Variants in RPAP2 observed in about 807,000 individuals in gnomAD.
RPAP2 encodes putative RNA polymerase II subunit B1 CTD phosphatase RPAP2.
Under a neutral mutation model 73.1 loss-of-function variants are expected in RPAP2, and 52 were observed. The ratio of observed to expected loss-of-function variants is 0.71; its 90% CI spans 0.57 to 0.90. The LOEUF is 0.90. Ranked by LOEUF, RPAP2 falls within the 40% of genes least tolerant of loss-of-function variation. The pLI is 0.00. For missense variants in RPAP2, 598 were observed against 701.8 expected, an observed-to-expected ratio of 0.85 and a Z score of 1.67; for synonymous variants, 225 against 242.1, an observed-to-expected ratio of 0.93 and a Z score of 0.65.
At chr1:92,333,303 T>A in intron 8 of RPAP2, 88 bp from the exon 9 acceptor site, 1 of 1,044,032 alleles carries the variant, frequency 9.6e-7, no homozygotes, top group African/African-American at 1.6e-5. Context: ...GATACAAACT[T>A]TTGTGTTTTA....
intron 10 of RPAP2, among the ~76,000 whole-genome samples, chr1:92,337,221 A>G (rs1012104714): frequency 1.1e-4 from 16 of 152,148 alleles, no homozygotes; most frequent in African/African-American, 3.4e-4. Context: ...ATTATAGTCT[A>G]TTGTTGTCAA....
chr1:92,299,163 C>T lies in RPAP2; in HGVS notation c.73+17C>T. On this transcript the variant is annotated intron_variant, in intron 1 of 12. Coordinates refer to ENST00000610020, the MANE Select transcript of RPAP2 (RefSeq NM_024813.3). ...AAGCCGCAGGTAGGAGCAAGGATCT[C>T]TTCCCACTTTTGGACCCTGAAAGCT... 2 of 1,471,392 alleles carry T rather than the reference C, an allele frequency of 1.4e-6. No homozygotes were observed. Among genetic ancestry groups the T allele is most frequent in the Non-Finnish European group, 1.8e-6 (2 of 1,097,776 alleles). 91.1% of individuals were successfully genotyped at this position (1,471,392 alleles called of 1,614,324 possible). A position where few individuals can be genotyped will look rare whatever the true frequency, so the allele number is the denominator to read the frequency against.
chr1:92,318,641 C>T (rs1037986767), intron 6 of RPAP2, among the ~76,000 whole-genome samples: 7 of 152,214 alleles, frequency 4.6e-5, no homozygotes, highest in African/African-American at 1.7e-4. Flanking sequence ...CATATGGGCT[C>T]TCATTTCTCT....
intron 6 of RPAP2, among the ~76,000 whole-genome samples, chr1:92,314,452 A>G (rs1651791967): frequency 6.6e-6 from 1 of 151,942 alleles, no homozygotes; most frequent in Admixed American, 6.6e-5. Flanking sequence ...CTCACAACTG[A>G]TAGACTCTTA....
Position 92,301,466 on chromosome 1 carries a change from CA to C in RPAP2, c.120-7del, listed in dbSNP as rs1476459693. On this transcript the variant is annotated splice_polypyrimidine_tract_variant and intron_variant, in intron 2 of 12. Coordinates refer to ENST00000610020, the MANE Select transcript of RPAP2 (RefSeq NM_024813.3). ...TTTTAAGTAGATTAAGTTTCTCTTT[CA>C]AATTTTAGGAAAGCTGAACTAGAAG... 1 of 1,491,430 alleles carries C rather than the reference CA, an allele frequency of 6.7e-7. No individual in the cohort carries two copies. Among genetic ancestry groups the C allele is most frequent in the African/African-American group, 1.4e-5 (1 of 71,192 alleles). The allele number at this position is 1,491,430 out of a possible 1,614,324, so 92.4% of individuals were successfully genotyped here. A position where few individuals can be genotyped will look rare whatever the true frequency, so the allele number is the denominator to read the frequency against.
chr1:92,380,278 CAA>C (rs66801616), intron 11 of RPAP2, among the ~76,000 whole-genome samples: 3 of 117,210 alleles, frequency 2.6e-5, no homozygotes, highest in African/African-American at 2.8e-5. Flanking sequence ...GACTCTGCCT[CAA>C]AAAAAAAAAA....
intron 11 of RPAP2, among the ~76,000 whole-genome samples, chr1:92,350,941 G>A (rs757401186): frequency 2.0e-5 from 3 of 150,932 alleles, no homozygotes; most frequent in Non-Finnish European, 3.0e-5. Context: ...CAAAATAAAA[G>A]ATAGTCTTCT....
chr1:92,299,506 G>T (rs1198763030), intron 1 of RPAP2, among the ~76,000 whole-genome samples: 2 of 152,106 alleles, frequency 1.3e-5, no homozygotes, highest in African/African-American at 4.8e-5. Flanking sequence ...CTCCTTTCCA[G>T]ATTGCTTGGG....
intron 11 of RPAP2, among the ~76,000 whole-genome samples, chr1:92,366,647 T>C (rs1226084468): frequency 6.6e-6 from 1 of 152,198 alleles, no homozygotes; most frequent in Non-Finnish European, 1.5e-5. Context: ...GAGAAAGAGT[T>C]AATATTAAAC....
At position 92,337,885 on chromosome 1, in the gene RPAP2, A is replaced by C. The variant is rs1258546833; in HGVS notation, c.1619+1458A>C. On this transcript the variant is annotated intron_variant, in intron 10 of 12. Coordinates refer to ENST00000610020, the MANE Select transcript of RPAP2 (RefSeq NM_024813.3). Reference sequence around the variant, plus strand: ...TACTAGTAGGTAATACATTTCTGCAAAGTTTGAGTTATTATAAAATCTAAT... The same window carrying C: ...TACTAGTAGGTAATACATTTCTGCACAGTTTGAGTTATTATAAAATCTAAT... Among the ~76,000 whole-genome samples, 3 of 152,186 alleles carry C rather than the reference A, an allele frequency of 2.0e-5. No individual in the cohort carries two copies. In the South Asian group the frequency reaches 6.2e-4, roughly 32 times the overall value.
rs931196431 is a variant in RPAP2, at chr1:92,357,065, CAAAAAAA to C, written c.1688+11157_1688+11163del. ...TGGGTGACAGAGCAAGACTCTGTCT[CAAAAAAA>C]AAAAAGAAAAAAAGGATTACATACA... On this transcript the variant is annotated intron_variant, in intron 11 of 12. Transcript: ENST00000610020. Among the ~76,000 whole-genome samples, 239 of 117,060 alleles carry C rather than the reference CAAAAAAA, an allele frequency of 2.0e-3. 1 individual carries two copies. The highest frequency in any genetic ancestry group is 2.9e-3 in the Non-Finnish European group (160 of 56,136). The allele number at this position is 117,060 out of a possible 152,430, so 76.8% of individuals were successfully genotyped here. A position where few individuals can be genotyped will look rare whatever the true frequency, so the allele number is the denominator to read the frequency against.
chr1:92,351,263 C>T (rs1213051764), intron 11 of RPAP2, among the ~76,000 whole-genome samples: 19 of 133,808 alleles, frequency 1.4e-4, no homozygotes, highest in Non-Finnish European at 3.1e-5. Context: ...GCCAAGATTG[C>T]GCCACTGCAC....
At position 92,396,693 on chromosome 1, in the gene RPAP2, T is replaced by G. The variant is rs1281246611; in HGVS notation, c.*9682T>G. On this transcript the variant is annotated 3_prime_UTR_variant, in exon 13 of 13. Coordinates refer to ENST00000610020, the MANE Select transcript of RPAP2 (RefSeq NM_024813.3). ...TTCACTCTTGTTGCCCAGGCTGGAG[T>G]GCAATGGCGCGATCTCAGCTCACCA... 6.6e-6 allele frequency: 1 copy of G among 152,468 alleles called. No individual in the cohort carries two copies. The highest frequency in any genetic ancestry group is 1.5e-5 in the Non-Finnish European group (1 of 68,688). 9.4% of individuals were successfully genotyped at this position (152,468 alleles called of 1,614,324 possible).
chr1:92,333,403 T>C lies in RPAP2; in HGVS notation c.1468T>C (p.Phe490Leu), dbSNP rs758419260. 1.9e-6 allele frequency: 3 copies of C among 1,612,994 alleles called. No homozygotes were observed. Among genetic ancestry groups the C allele is most frequent in the Non-Finnish European group, 1.7e-6 (2 of 1,179,194 alleles). ...SQDSEEHDST[F>L]PLIDSSSQNQ... is the part of the protein sequence containing the mutation. ...AAATGTGATTCAGCATGATTCCACC[T>C]TTCCACTGATAGACTCAAGTTCCCA... The change falls in exon 9 of 13, where the codon TTT (phenylalanine) becomes CTT (leucine). Residue 490 changes from phenylalanine (F) to leucine (L), a missense_variant. This residue lies in a region of RPAP2 where 506 missense variants were observed against 612.8 expected (regional missense o/e 0.83). Transcript: ENST00000610020.
In RPAP2 at chr1:92,324,145, G is replaced by C. The variant is rs1405305538; in HGVS notation, c.1225G>C (p.Glu409Gln). 3 of 1,614,014 alleles carry C rather than the reference G, an allele frequency of 1.9e-6. No homozygotes were observed. Among genetic ancestry groups the C allele is most frequent in the Non-Finnish European group, 2.5e-6 (3 of 1,179,992 alleles). ...CTCTCTGGTTAAAGAAGAACTTGATGAAGATGACATAATCTCAGATCCAGA... is the reference window on the plus strand; with the variant it reads ...CTCTCTGGTTAAAGAAGAACTTGATCAAGATGACATAATCTCAGATCCAGA... ...EASLVKEELD[E>Q]DDIISDPDSH... Residue 409 changes from glutamate (E) to glutamine (Q), a missense_variant, in exon 8 of 13, where the codon GAA becomes CAA. Physicochemically the swap from Glu to Gln is conservative, Grantham distance 29 (BLOSUM62 2). Coordinates refer to ENST00000610020, the MANE Select transcript of RPAP2 (RefSeq NM_024813.3).
intron 8 of RPAP2, among the ~76,000 whole-genome samples, chr1:92,326,118 TG>T (rs1398229720): frequency 3.3e-5 from 5 of 152,136 alleles, no homozygotes; most frequent in African/African-American, 1.2e-4. Flanking sequence ...TTTTCCAAAG[TG>T]GTTGTACCGG....
chr1:92,377,546 G>A (rs1339176733), intron 11 of RPAP2, among the ~76,000 whole-genome samples: 1 of 151,016 alleles, frequency 6.6e-6, no homozygotes, highest in African/African-American at 2.4e-5. Flanking sequence ...AAAAAGAATT[G>A]GGTTGTGTAC....
chr1:92,367,214 A>G (rs907194708), intron 11 of RPAP2, among the ~76,000 whole-genome samples: 2 of 152,198 alleles, frequency 1.3e-5, no homozygotes, highest in Admixed American at 6.5e-5. Flanking sequence ...CACATTTGGG[A>G]AAATTAAGTG....
At chr1:92,322,651 A>G (rs1009407537) in intron 7 of RPAP2, among the ~76,000 whole-genome samples, 4 of 151,766 alleles carry the variant, frequency 2.6e-5, no homozygotes, top group African/African-American at 9.7e-5. Flanking sequence ...AAGGTGGGCA[A>G]ATCACTTGAG....
Sources: allele counts gnomAD v4.1 joint callset (sites outside exome capture counted in the v4.1 genomes callset), GRCh38; gene constraint gnomAD v4.1.1; regional missense constraint gnomAD v4.1.1; transcripts MANE v1.5; gene names NCBI Gene and HGNC (gene_info 2026-07-23, HGNC 2026-07-21).